The following DLG2 variants were observed in gnomAD, a reference collection of about 807,000 sequenced individuals.
The protein encoded by DLG2 is disks large homolog 2.
In DLG2, 45 loss-of-function variants were observed where a neutral mutation model predicts 132.5. The observed-to-expected ratio is 0.34, with a 90% CI of 0.27 to 0.44. The LOEUF is 0.44. Ranked by LOEUF, DLG2 falls within the 20% of genes least tolerant of loss-of-function variation. The pLI, the probability that DLG2 is intolerant of heterozygous loss-of-function variation, is 1.00. For synonymous variants in DLG2, 424 were observed against 419.6 expected, an observed-to-expected ratio of 1.01 and a Z score of -0.13; for missense variants, 1,045 against 1,196.9, an observed-to-expected ratio of 0.87 and a Z score of 1.87.
intron 6 of DLG2, among the ~76,000 whole-genome samples, chr11:84,748,974 G>C (rs2065750971): frequency 6.6e-6 from 1 of 152,102 alleles, no homozygotes; most frequent in African/African-American, 2.4e-5. Flanking sequence ...TTTGAGACCA[G>C]CCTGGACAAA....
chr11:85,154,106 G>C (rs964831470), intron 5 of DLG2, among the ~76,000 whole-genome samples: 4 of 121,236 alleles, frequency 3.3e-5, no homozygotes, highest in African/African-American at 1.2e-4. Flanking sequence ...GCCCATCATG[G>C]ATGCCCACCC....
chr11:84,480,061 GC>G (rs2099132593), intron 7 of DLG2, among the ~76,000 whole-genome samples: 1 of 152,080 alleles, frequency 6.6e-6, no homozygotes, highest in African/African-American at 2.4e-5. Context: ...GAAATGTTTT[GC>G]TTACATTCTT....
intron 9 of DLG2, among the ~76,000 whole-genome samples, chr11:84,104,267 C>T (rs2092745645): frequency 6.6e-6 from 1 of 152,048 alleles, no homozygotes; most frequent in African/African-American, 2.4e-5. Flanking sequence ...AAAATCATAT[C>T]CTTTGCAGCA....
intron 7 of DLG2, among the ~76,000 whole-genome samples, chr11:84,524,852 T>A (rs561970325): frequency 0.043 from 5,840 of 136,514 alleles, 128 homozygotes; most frequent in Middle Eastern, 0.097. Context: ...GGGTATTTCT[T>A]TTTTTTTTTT....
chr11:83,825,257 C>T (rs1337175713), intron 17 of DLG2, among the ~76,000 whole-genome samples: 1 of 148,108 alleles, frequency 6.8e-6, no homozygotes, highest in Non-Finnish European at 1.5e-5. Context: ...TCTTGGCTCA[C>T]CGCAACCTCC....
chr11:84,989,336 C>G (rs575590216), intron 6 of DLG2, among the ~76,000 whole-genome samples: 1 of 152,026 alleles, frequency 6.6e-6, no homozygotes, highest in South Asian at 2.1e-4. Flanking sequence ...CCACCACGCC[C>G]GGCTAATTTT....
intron 11 of DLG2, among the ~76,000 whole-genome samples, chr11:83,994,537 A>G (rs1483412205): frequency 6.6e-6 from 1 of 152,136 alleles, no homozygotes; most frequent in Admixed American, 6.6e-5. Flanking sequence ...ACCCAGCTTC[A>G]AAACTAGTTT....
At chr11:84,092,985 G>T (rs1255136506) in intron 10 of DLG2, among the ~76,000 whole-genome samples, 1 of 149,678 alleles carries the variant, frequency 6.7e-6, no homozygotes, top group Non-Finnish European at 1.5e-5. Context: ...GCAGTGAGCC[G>T]AGATTGCGCC....
At chr11:83,934,709 G>A (rs2081079092) in intron 14 of DLG2, among the ~76,000 whole-genome samples, 1 of 151,986 alleles carries the variant, frequency 6.6e-6, no homozygotes, top group South Asian at 2.1e-4. Context: ...TCTCAGGCAG[G>A]GACCTCACCT....
chr11:84,391,673 G>A (rs2098792934), intron 7 of DLG2, among the ~76,000 whole-genome samples: 1 of 152,036 alleles, frequency 6.6e-6, no homozygotes, highest in Non-Finnish European at 1.5e-5. Context: ...TATCACTACA[G>A]CTGATTGTAT....
intron 3 of DLG2, among the ~76,000 whole-genome samples, chr11:85,587,478 G>A (rs1591058478): frequency 6.6e-6 from 1 of 152,112 alleles, no homozygotes. Context: ...TTCAACTGTT[G>A]TTGTTTTAAA....
At chr11:85,104,900 A>C (rs1421492001) in intron 6 of DLG2, among the ~76,000 whole-genome samples, 3 of 110,824 alleles carry the variant, frequency 2.7e-5, no homozygotes, top group Non-Finnish European at 5.5e-5. Flanking sequence ...AAAAAAAAAA[A>C]CAGAGAGAGA....
intron 18 of DLG2, among the ~76,000 whole-genome samples, chr11:83,753,805 A>T (rs2093466409): frequency 3.8e-5 from 3 of 79,032 alleles, no homozygotes; most frequent in African/African-American, 2.5e-4. Context: ...GATATATCAT[A>T]TATATCATAT....
intron 7 of DLG2, among the ~76,000 whole-genome samples, chr11:84,330,220 G>T (rs530403240): frequency 2.2e-4 from 34 of 152,224 alleles, no homozygotes; most frequent in Middle Eastern, 6.8e-3. Flanking sequence ...CTCAATAAAG[G>T]TCAGTTTATT....
chr11:84,873,588 A>C (rs991753675), intron 6 of DLG2, among the ~76,000 whole-genome samples: 2 of 152,248 alleles, frequency 1.3e-5, no homozygotes, highest in African/African-American at 4.8e-5. Context: ...ATCCTGTGTC[A>C]GGTATGCCAA....
intron 4 of DLG2, among the ~76,000 whole-genome samples, chr11:85,205,109 GGATA>G (rs2081773485): frequency 6.8e-6 from 1 of 146,252 alleles, no homozygotes; most frequent in African/African-American, 2.5e-5. Flanking sequence ...GTGAATTAAT[GGATA>G]AAGAAATATA....
At chr11:84,904,436 A>G (rs1419157036) in intron 6 of DLG2, among the ~76,000 whole-genome samples, 1 of 152,166 alleles carries the variant, frequency 6.6e-6, no homozygotes, top group Non-Finnish European at 1.5e-5. Context: ...TATTCATGAT[A>G]TGGCCTCCGT....
chr11:85,593,536 C>A (rs1591118536), intron 3 of DLG2, among the ~76,000 whole-genome samples: 1 of 152,074 alleles, frequency 6.6e-6, no homozygotes, highest in East Asian at 1.9e-4. Flanking sequence ...CAGGTTGTTT[C>A]ACCATTAATC....
chr11:84,913,598 A>G (rs1290342349), intron 6 of DLG2, among the ~76,000 whole-genome samples: 9 of 152,204 alleles, frequency 5.9e-5, no homozygotes, highest in African/African-American at 1.9e-4. Context: ...ATCACATAGT[A>G]TGAGCAAGAA....
Sources: allele counts gnomAD v4.1 joint callset (sites outside exome capture counted in the v4.1 genomes callset), GRCh38; gene constraint gnomAD v4.1.1; transcripts MANE v1.5; gene names NCBI Gene and HGNC (gene_info 2026-07-23, HGNC 2026-07-21).